The following RTF1 variants were observed in gnomAD, a reference collection of about 807,000 sequenced individuals.
RTF1 encodes RTF1 homolog, Paf1/RNA polymerase II complex component, also known as RNA polymerase-associated protein RTF1 homolog.
RTF1 carries 10 observed loss-of-function variants against 95.7 expected under a neutral mutation model. The observed-to-expected ratio is 0.10, with a 90% CI of 0.06 to 0.18. The LOEUF (loss-of-function observed/expected upper bound fraction) is 0.18, where lower values mean the gene tolerates loss of function less well. RTF1 is among the 10% of genes least tolerant of loss of function. RTF1 has a pLI of 1.00. For missense variants in RTF1, 458 were observed against 875.6 expected (o/e 0.52, Z 6.02); for synonymous variants, 305 against 311.8 (o/e 0.98, Z 0.23).
intron 2 of RTF1, among the ~76,000 whole-genome samples, chr15:41,439,198 AT>A (rs905615953): frequency 1.6e-4 from 24 of 146,396 alleles, no homozygotes; most frequent in Non-Finnish European, 2.1e-4. Flanking sequence ...GGCCTGGCTA[AT>A]TTTTTTTTTT....
At chr15:41,440,233 C>T (rs1338922727) in intron 2 of RTF1, 1 of 149,226 alleles carries the variant, frequency 6.7e-6, no homozygotes, top group South Asian at 2.1e-4. Flanking sequence ...CTCTGTCACC[C>T]AGGCTACAGT....
At chr15:41,428,020 C>T (rs1332311215) in intron 1 of RTF1, among the ~76,000 whole-genome samples, 1 of 151,606 alleles carries the variant, frequency 6.6e-6, no homozygotes, top group African/African-American at 2.4e-5. Context: ...CTCCTGACCT[C>T]AGGTGATCTG....
At chr15:41,449,399 T>G (rs2140956866) in intron 2 of RTF1, among the ~76,000 whole-genome samples, 1 of 152,096 alleles carries the variant, frequency 6.6e-6, no homozygotes, top group Non-Finnish European at 1.5e-5. Context: ...CCCGGCTAAT[T>G]TTTTTGCATT....
At chr15:41,436,700 A>AC (rs1236239010) in intron 1 of RTF1, among the ~76,000 whole-genome samples, 1 of 150,534 alleles carries the variant, frequency 6.6e-6, no homozygotes, top group Non-Finnish European at 1.5e-5. Context: ...AGGCTGAGGC[A>AC]CGGCCATTGC....
Position 41,473,298 on chromosome 15 carries a change from AATTTTTTGT to A in RTF1, c.1204-1315_1204-1307del, listed in dbSNP as rs375825459. Among the ~76,000 whole-genome samples the A allele has an allele frequency of 2.4e-3, 369 of 151,354 alleles. 1 individual carries two copies. The highest frequency in any genetic ancestry group is 8.5e-3 in the African/African-American group (350 of 41,280). ...ACAGGCGCCCACCACCATGCCAGCT[AATTTTTTGT>A]ATTTTTAGTAGAGACGGGGTTTCAC... On this transcript the variant is annotated intron_variant, in intron 8 of 17. Transcript: ENST00000389629.
intron 2 of RTF1, among the ~76,000 whole-genome samples, chr15:41,442,840 C>T (rs1259414740): frequency 3.3e-5 from 5 of 152,072 alleles, no homozygotes; most frequent in South Asian, 2.1e-4. Flanking sequence ...GGGCCGAGAA[C>T]GCTCCACTAT....
chr15:41,458,295 A>G (rs1595435052), intron 4 of RTF1, among the ~76,000 whole-genome samples: 1 of 152,302 alleles, frequency 6.6e-6, no homozygotes, highest in Non-Finnish European at 1.5e-5. Context: ...GCACAGAGAT[A>G]TGCACTAAAT....
intron 2 of RTF1, among the ~76,000 whole-genome samples, chr15:41,446,321 A>G (rs2050762044): frequency 6.6e-6 from 1 of 152,100 alleles, no homozygotes; most frequent in Non-Finnish European, 1.5e-5. Context: ...CTGTAATCCC[A>G]ACACTTTGGG....
At chr15:41,467,018 A>T (rs1174124509) in intron 6 of RTF1, among the ~76,000 whole-genome samples, 1 of 152,146 alleles carries the variant, frequency 6.6e-6, no homozygotes, top group Non-Finnish European at 1.5e-5. Flanking sequence ...ATGTATTTCC[A>T]TCAGGAGACA....
At chr15:41,477,764 C>G (rs2050949109) in intron 14 of RTF1, among the ~76,000 whole-genome samples, 1 of 152,174 alleles carries the variant, frequency 6.6e-6, no homozygotes, top group African/African-American at 2.4e-5. Context: ...TTCTCAATTT[C>G]TGTTTCTTGG....
At chr15:41,438,177 A>T (rs1025080723) in intron 1 of RTF1, 144 bp from the exon 2 acceptor site, 14 of 492,016 alleles carry the variant, frequency 2.8e-5, no homozygotes, top group Non-Finnish European at 5.1e-5. Context: ...CAGTCTGTTC[A>T]TGCTGATAGA....
chr15:41,431,955 A>G (rs965549947), intron 1 of RTF1, among the ~76,000 whole-genome samples: 10 of 151,732 alleles, frequency 6.6e-5, no homozygotes, highest in Non-Finnish European at 1.3e-4. Flanking sequence ...GCACGCCCCC[A>G]TGCCTGGCTA....
intron 1 of RTF1, among the ~76,000 whole-genome samples, chr15:41,437,129 C>A (rs1037056751): frequency 1.3e-5 from 2 of 151,946 alleles, no homozygotes; most frequent in Non-Finnish European, 2.9e-5. Flanking sequence ...AAAAAAATCT[C>A]TTTTCTTTCA....
intron 1 of RTF1, among the ~76,000 whole-genome samples, chr15:41,425,732 G>T (rs185547018): frequency 6.6e-6 from 1 of 152,170 alleles, no homozygotes; most frequent in African/African-American, 2.4e-5. Context: ...TGATATGGTT[G>T]TTATAGAGAT....
intron 5 of RTF1, among the ~76,000 whole-genome samples, chr15:41,465,168 C>T (rs1464776350): frequency 6.7e-6 from 1 of 150,252 alleles, no homozygotes; most frequent in Non-Finnish European, 1.5e-5. Context: ...TCCCTTCCTC[C>T]TTCCCTTCCT....
chr15:41,441,421 T>G (rs1241277256), intron 2 of RTF1, among the ~76,000 whole-genome samples: 4 of 152,172 alleles, frequency 2.6e-5, no homozygotes, highest in Non-Finnish European at 5.9e-5. Flanking sequence ...TGGTATTCCT[T>G]AAGATACAAG....
Position 41,464,801 on chromosome 15 carries a change from C to G in RTF1, c.693C>G (p.Ala231=), listed in dbSNP as rs2140964169. ...RFEIKKKLKT[A]KKKEKKEKKK... is the part of the protein sequence containing the mutation. Reference sequence around the variant, plus strand: ...AAATCAAGAAAAAACTAAAAACAGCCAAAAAGAAAGAAAAGAAAGAAAAGA... The same window carrying G: ...AAATCAAGAAAAAACTAAAAACAGCGAAAAAGAAAGAAAAGAAAGAAAAGA... The change falls in exon 5 of 18, where the codon GCC becomes GCG. Residue 231 remains alanine (A), a synonymous_variant. Transcript: ENST00000389629. 6.4e-7 allele frequency: 1 copy of G among 1,570,126 alleles called. No individual in the cohort carries two copies.
intron 2 of RTF1, among the ~76,000 whole-genome samples, chr15:41,448,454 G>A (rs2050773865): frequency 6.6e-6 from 1 of 152,154 alleles, no homozygotes; most frequent in African/African-American, 2.4e-5. Context: ...ACCCCCTGAG[G>A]TCAGGAGTTT....
Position 41,477,294 on chromosome 15 carries a change from A to T in RTF1, c.1682+8A>T. The T allele has an allele frequency of 1.9e-6, 3 of 1,614,238 alleles. No homozygotes were observed. Among genetic ancestry groups the T allele is most frequent in the South Asian group, 2.2e-5 (2 of 91,086 alleles). ...GAACATATCCGCTATCAGGTGTGTT[A>T]TGGAGCCTATTTTTGGCCCGCAGAC... On this transcript the variant is annotated splice_region_variant and intron_variant, in intron 13 of 17. Transcript: ENST00000389629.
Sources: gnomAD v4.1 joint callset for allele counts (sites outside exome capture counted in the v4.1 genomes callset) on GRCh38, gnomAD v4.1.1 for gene constraint, MANE v1.5 for transcripts, NCBI Gene and HGNC (gene_info 2026-07-23, HGNC 2026-07-21) for gene names.